CNTN3: variants seen among roughly 807,000 people sequenced by gnomAD.
CNTN3 encodes contactin 3, also known as contactin-3.
Under a neutral mutation model 119.1 loss-of-function variants are expected in CNTN3, and 60 were observed. The ratio of observed to expected loss-of-function variants is 0.50; its 90% confidence interval spans 0.41 to 0.62. The LOEUF (loss-of-function observed/expected upper bound fraction) is 0.62, where lower values mean the gene tolerates loss of function less well. Ranked by LOEUF, CNTN3 falls within the 20% of genes least tolerant of loss-of-function variation. CNTN3 has a pLI of 0.00. For synonymous variants in CNTN3, 450 were observed against 438.7 expected, an observed-to-expected ratio of 1.03 and a Z score of -0.32; for missense variants, 1,101 against 1,242.4, an observed-to-expected ratio of 0.89 and a Z score of 1.71.
intron 3 of CNTN3, among the ~76,000 whole-genome samples, chr3:74,490,842 CT>C (rs1702950222): frequency 6.6e-6 from 1 of 152,188 alleles, no homozygotes; most frequent in African/African-American, 2.4e-5. Flanking sequence ...TTAGTAAACT[CT>C]TTAGAGCTAA....
chr3:74,602,595 A>G (rs1390548520), intron 1 of CNTN3, among the ~76,000 whole-genome samples: 1 of 152,086 alleles, frequency 6.6e-6, no homozygotes, highest in East Asian at 1.9e-4. Flanking sequence ...TTCCAGTCAG[A>G]TTACTTGATT....
At chr3:74,606,202 G>C (rs1015128931) in intron 1 of CNTN3, among the ~76,000 whole-genome samples, 1 of 152,046 alleles carries the variant, frequency 6.6e-6, no homozygotes, top group African/African-American at 2.4e-5. Flanking sequence ...ATACAGAGAG[G>C]CAGATAAAAA....
chr3:74,606,796 G>A (rs1035152601), intron 1 of CNTN3, among the ~76,000 whole-genome samples: 10 of 151,946 alleles, frequency 6.6e-5, no homozygotes, highest in Non-Finnish European at 8.8e-5. Flanking sequence ...ACAATATAAC[G>A]AAACCCATAT....
At chr3:74,586,776 T>A (rs76171021) in intron 1 of CNTN3, among the ~76,000 whole-genome samples, 1 of 152,058 alleles carries the variant, frequency 6.6e-6, no homozygotes, top group East Asian at 1.9e-4. Context: ...AATAAATGAA[T>A]GAATGATTAA....
intron 22 of CNTN3, among the ~76,000 whole-genome samples, chr3:74,265,749 G>T (rs536441784): frequency 6.6e-6 from 1 of 152,230 alleles, no homozygotes; most frequent in Non-Finnish European, 1.5e-5. Context: ...CATGCTAAAT[G>T]AATGGAAACA....
chr3:74,443,557 T>G (rs919818556), intron 4 of CNTN3, among the ~76,000 whole-genome samples: 9 of 152,140 alleles, frequency 5.9e-5, no homozygotes, highest in Middle Eastern at 3.2e-3. Context: ...AGTCCCATCT[T>G]TCTCTCTGCA....
chr3:74,334,880 T>A lies in CNTN3; in HGVS notation c.1523A>T (p.Asn508Ile). ...EPTRITLAPS[N>I]MDVSVGESVI... is the part of the protein sequence containing the mutation. ...GCTTTCACCAACAGAAACATCCATG[T>A]TAGATGGTGCCAAAGTTATTCTTGT... The change falls in exon 13 of 23, where the codon AAC (asparagine) becomes ATC (isoleucine). Residue 508 changes from asparagine to isoleucine, a missense_variant. Physicochemically the swap from Asn to Ile is moderately radical, Grantham distance 149 (BLOSUM62 -3). Transcript: ENST00000263665. The A allele has an allele frequency of 6.2e-7, 1 of 1,612,922 alleles. No homozygotes were observed. The highest frequency in any genetic ancestry group is 8.5e-7 in the Non-Finnish European group (1 of 1,179,540).
chr3:74,387,745 G>T (rs916871987), intron 5 of CNTN3, among the ~76,000 whole-genome samples: 2 of 152,208 alleles, frequency 1.3e-5, no homozygotes, highest in Admixed American at 6.5e-5. Flanking sequence ...GAGAGAACTT[G>T]CTTTGACTTT....
intron 2 of CNTN3, among the ~76,000 whole-genome samples, chr3:74,511,318 A>G (rs1703359634): frequency 6.6e-6 from 1 of 152,118 alleles, no homozygotes; most frequent in Non-Finnish European, 1.5e-5. Context: ...TCAGCAAGAA[A>G]TTCACATATA....
intron 13 of CNTN3, among the ~76,000 whole-genome samples, chr3:74,324,413 G>C (rs1048124377): frequency 2.0e-5 from 3 of 152,052 alleles, no homozygotes; most frequent in African/African-American, 7.2e-5. Flanking sequence ...GTTTTGCCAT[G>C]ATGGCCAGGC....
intron 1 of CNTN3, among the ~76,000 whole-genome samples, chr3:74,600,678 A>G (rs1020766010): frequency 6.6e-6 from 1 of 152,066 alleles, no homozygotes; most frequent in Non-Finnish European, 1.5e-5. Flanking sequence ...TTCACACTCT[A>G]ATAACATTCA....
At chr3:74,571,606 T>G (rs1019579646) in intron 1 of CNTN3, among the ~76,000 whole-genome samples, 2 of 152,190 alleles carry the variant, frequency 1.3e-5, no homozygotes, top group Admixed American at 1.3e-4. Flanking sequence ...TCTTGTGGTA[T>G]ATGTTCACAA....
At chr3:74,517,236 G>A (rs1179207623) in intron 2 of CNTN3, among the ~76,000 whole-genome samples, 1 of 151,866 alleles carries the variant, frequency 6.6e-6, no homozygotes, top group Non-Finnish European at 1.5e-5. Context: ...TTACGATCTG[G>A]CCTTTAACTT....
At chr3:74,316,930 A>G (rs888697229) in intron 13 of CNTN3, among the ~76,000 whole-genome samples, 11 of 149,878 alleles carry the variant, frequency 7.3e-5, no homozygotes, top group African/African-American at 2.7e-4. Flanking sequence ...TCCATCTCAA[A>G]AAAAAAAAAA....
intron 1 of CNTN3, among the ~76,000 whole-genome samples, chr3:74,582,870 A>T (rs1160280372): frequency 1.3e-5 from 2 of 152,106 alleles, no homozygotes; most frequent in African/African-American, 2.4e-5. Context: ...AAAAGAAAAC[A>T]TATCCACCAA....
intron 5 of CNTN3, among the ~76,000 whole-genome samples, chr3:74,411,563 A>C (rs1027932622): frequency 1.3e-5 from 2 of 152,160 alleles, no homozygotes; most frequent in African/African-American, 4.8e-5. Flanking sequence ...ATTTTTGAAA[A>C]AGTTTTCTTT....
intron 2 of CNTN3, among the ~76,000 whole-genome samples, chr3:74,508,070 G>C (rs920805861): frequency 3.9e-5 from 6 of 152,140 alleles, no homozygotes; most frequent in African/African-American, 1.4e-4. Flanking sequence ...TAGGCTTTGT[G>C]TCTCCACCCA....
intron 4 of CNTN3, among the ~76,000 whole-genome samples, chr3:74,455,634 T>C (rs1702253698): frequency 6.6e-6 from 1 of 152,116 alleles, no homozygotes; most frequent in Non-Finnish European, 1.5e-5. Context: ...TGTGGTTTTA[T>C]CTACTTTTGG....
At chr3:74,478,624 G>C (rs542259060) in intron 4 of CNTN3, among the ~76,000 whole-genome samples, 7 of 152,186 alleles carry the variant, frequency 4.6e-5, no homozygotes, top group Non-Finnish European at 8.8e-5. Flanking sequence ...AATGAGGTGA[G>C]CCCAGTGAGA....
Sources: allele counts gnomAD v4.1 joint callset (sites outside exome capture counted in the v4.1 genomes callset), GRCh38; gene constraint gnomAD v4.1.1; transcripts MANE v1.5; gene names NCBI Gene and HGNC (gene_info 2026-07-23, HGNC 2026-07-21).